IAPP: variants seen among roughly 807,000 people sequenced by gnomAD.
The protein encoded by IAPP is Islet amyloid polypeptide (diabetes-associated peptide; amylin).
IAPP carries 4 observed loss-of-function variants against 2.9 expected under a neutral mutation model. The observed-to-expected ratio is 1.39, with a 90% CI of 0.69 to 3.19. The LOEUF (loss-of-function observed/expected upper bound fraction) is 3.19, where lower values mean the gene tolerates loss of function less well. Among genes scored for constraint, IAPP ranks in the 30% most tolerant of loss-of-function variants. IAPP has a pLI of 0.01. For missense variants in IAPP, 114 were observed against 105.3 expected (o/e 1.08, Z -0.36); for synonymous variants, 40 against 42.1 (o/e 0.95, Z 0.19).
At chr12:21,360,204 A>G (rs1938719986) in intron 1 of IAPP, among the ~76,000 whole-genome samples, 1 of 152,216 alleles carries the variant, frequency 6.6e-6, no homozygotes, top group Non-Finnish European at 1.5e-5. Context: ...ACAACATTTT[A>G]GAAGGATGGA....
Position 21,378,475 on chromosome 12 carries a change from G to A in IAPP, c.*49G>A, listed in dbSNP as rs373545779. 1 of 1,490,924 alleles carries A rather than the reference G, an allele frequency of 6.7e-7. No individual in the cohort carries two copies. The highest frequency in any genetic ancestry group is 1.7e-5 in the Admixed American group (1 of 59,834). The allele number at this position is 1,490,924 out of a possible 1,614,324, so 92.4% of individuals were successfully genotyped here. On this transcript the variant is annotated 3_prime_UTR_variant, in exon 3 of 3. Transcript: ENST00000240652. ...TTGTTTTATGTTCTAGTGATTTCCT[G>A]TATAATTTAACAGTGCCCTTTTCAT...
chr12:21,369,782 T>C (rs1425242119), upstream of IAPP, among the ~76,000 whole-genome samples: 1 of 152,192 alleles, frequency 6.6e-6, no homozygotes, highest in Non-Finnish European at 1.5e-5. Context: ...ATTCACACTT[T>C]GACTTAGCAA....
intron 2 of IAPP, among the ~76,000 whole-genome samples, chr12:21,377,013 CA>C (rs575029929): frequency 6.6e-6 from 1 of 151,550 alleles, no homozygotes; most frequent in African/African-American, 2.4e-5. Context: ...AAAAGGCTGT[CA>C]AAAAAATAGA....
intron 1 of IAPP, among the ~76,000 whole-genome samples, chr12:21,365,068 A>C (rs2137063941): frequency 6.6e-6 from 1 of 152,330 alleles, no homozygotes; most frequent in African/African-American, 2.4e-5. Flanking sequence ...TATGGAACCA[A>C]AAAAGAGCTC....
chr12:21,355,413 T>C (rs1591874333), intron 1 of IAPP, among the ~76,000 whole-genome samples: 2 of 152,042 alleles, frequency 1.3e-5, no homozygotes, highest in South Asian at 2.1e-4. Flanking sequence ...TGTGAGGGGG[T>C]AGGCAATGAG....
intron 1 of IAPP, among the ~76,000 whole-genome samples, chr12:21,355,686 A>G (rs1938312489): frequency 6.6e-6 from 1 of 152,218 alleles, no homozygotes; most frequent in Non-Finnish European, 1.5e-5. Flanking sequence ...TAGGATTCTT[A>G]CAGATTAAGT....
chr12:21,359,781 C>G (rs187262970), intron 1 of IAPP, among the ~76,000 whole-genome samples: 23 of 152,124 alleles, frequency 1.5e-4, no homozygotes, highest in Admixed American at 4.6e-4. Flanking sequence ...CTTCTTACCT[C>G]TCCTTACATA....
At chr12:21,373,694 G>A (rs1309634466) in intron 2 of IAPP, 6 of 701,698 alleles carry the variant, frequency 8.6e-6, no homozygotes, top group Admixed American at 2.0e-5. Flanking sequence ...GGAACTTAGA[G>A]GGGCAAAGCC....
rs1185850731 is a variant in IAPP, at chr12:21,373,432, G to C, written c.80+1G>C. On this transcript the variant is annotated splice_donor_variant, in intron 2 of 2. Transcript: ENST00000240652. LOFTEE classifies it high-confidence loss of function. ...ATCTGAAAGCTACACCCATTGAAAG[G>C]TTGGTAACTTTAAAATCCTGTTTCT... 6.2e-7 allele frequency: 1 copy of C among 1,606,442 alleles called. No homozygotes were observed. Among genetic ancestry groups the C allele is most frequent in the Non-Finnish European group, 8.5e-7 (1 of 1,173,194 alleles).
At chr12:21,366,125 A>T (rs1250685661) in intron 1 of IAPP, among the ~76,000 whole-genome samples, 2 of 152,210 alleles carry the variant, frequency 1.3e-5, no homozygotes, top group African/African-American at 4.8e-5. Context: ...CACTATTCAC[A>T]ACAGCAAAGA....
Position 21,379,915 on chromosome 12 carries a change from T to C in IAPP, c.*1489T>C, listed in dbSNP as rs1940482542. On this transcript the variant is annotated 3_prime_UTR_variant, in exon 3 of 3. Coordinates refer to ENST00000240652, the MANE Select transcript of IAPP (RefSeq NM_000415.3). ...GTGAGTGTATAGAGGCAGGGAAATA[T>C]ATTTATAATAAATTCTATGTCATGA... 1 of 152,184 alleles carries C rather than the reference T, an allele frequency of 6.6e-6. No individual in the cohort carries two copies. 9.4% of individuals were successfully genotyped at this position (152,184 alleles called of 1,614,324 possible).
Position 21,378,594 on chromosome 12 carries a change from T to C in IAPP, c.*168T>C. 1.8e-6 allele frequency: 1 copy of C among 558,300 alleles called. No homozygotes were observed. Among genetic ancestry groups the C allele is most frequent in the South Asian group, 2.7e-5 (1 of 37,146 alleles). 34.6% of individuals were successfully genotyped at this position (558,300 alleles called of 1,614,324 possible). ...GTTTTATATGTAGTACTAACTAAGG[T>C]CCCATAATAAAAAGATAGTATCTTT... On this transcript the variant is annotated 3_prime_UTR_variant, in exon 3 of 3. Transcript: ENST00000240652.
At position 21,373,441 on chromosome 12, in the gene IAPP, T is replaced by A. The variant is rs1479138551; in HGVS notation, c.80+10T>A. ...CTACACCCATTGAAAGGTTGGTAAC[T>A]TTAAAATCCTGTTTCTTTGTAACTT... On this transcript the variant is annotated intron_variant, in intron 2 of 2. Coordinates refer to ENST00000240652, the MANE Select transcript of IAPP (RefSeq NM_000415.3). The A allele has an allele frequency of 6.3e-7, 1 of 1,588,110 alleles. No individual in the cohort carries two copies. Among genetic ancestry groups the A allele is most frequent in the Non-Finnish European group, 8.6e-7 (1 of 1,156,512 alleles).
rs1050043496 is a variant in IAPP at position 21,359,324 on chromosome 12, TA to T, written c.-16+4316del. On this transcript the variant is annotated intron_variant, in intron 1 of 2. Coordinates refer to the IAPP transcript ENST00000539393. The stretch of plus-strand genomic sequence containing the variant: ...AAAGGGAAGAAGAAAAACACTAGTT[TA>T]AAAACAGGGAAAATCAACTAAATTA... 5.3e-5 allele frequency among the ~76,000 whole-genome samples: 8 copies of T among 151,976 alleles called. 1 individual carries two copies. Among genetic ancestry groups the T allele is most frequent in the Admixed American group, 3.9e-4 (6 of 15,278 alleles).
At chr12:21,356,106 G>A (rs1938342931) in intron 1 of IAPP, among the ~76,000 whole-genome samples, 1 of 151,986 alleles carries the variant, frequency 6.6e-6, no homozygotes, top group South Asian at 2.1e-4. Flanking sequence ...GAATAAATTT[G>A]AATCACAGCT....
chr12:21,368,282 G>T (rs185318843), upstream of IAPP, among the ~76,000 whole-genome samples: 1 of 152,016 alleles, frequency 6.6e-6, no homozygotes, highest in African/African-American at 2.4e-5. Flanking sequence ...AGAAAGGAAC[G>T]TGTTAAATGA....
upstream of IAPP, among the ~76,000 whole-genome samples, chr12:21,369,231 A>C (rs911431340): frequency 6.6e-6 from 1 of 152,154 alleles, no homozygotes; most frequent in Non-Finnish European, 1.5e-5. Context: ...GTTTATCTTC[A>C]ATCTCTTCTC....
intron 1 of IAPP, among the ~76,000 whole-genome samples, chr12:21,364,453 CA>C (rs1282153507): frequency 1.3e-5 from 2 of 152,114 alleles, no homozygotes; most frequent in African/African-American, 4.8e-5. Context: ...ACTGAATGGG[CA>C]AAAACTGGAA....
chr12:21,366,155 T>C (rs879475692), intron 1 of IAPP, among the ~76,000 whole-genome samples: 8 of 152,180 alleles, frequency 5.3e-5, no homozygotes, highest in Non-Finnish European at 1.0e-4. Context: ...AACCCAAATG[T>C]CCATCAGTGA....
Sources: gnomAD v4.1 joint callset for allele counts (sites outside exome capture counted in the v4.1 genomes callset) on GRCh38, gnomAD v4.1.1 for gene constraint, MANE v1.5 for transcripts, NCBI Gene and HGNC (gene_info 2026-07-23, HGNC 2026-07-21) for gene names.